Variants in FKBP9 observed in about 807,000 individuals in gnomAD.
FKBP9 encodes peptidyl-prolyl cis-trans isomerase FKBP9.
In FKBP9, 27 loss-of-function variants were observed where a neutral mutation model predicts 55.6. The ratio of observed to expected loss-of-function variants is 0.49; its 90% confidence interval spans 0.36 to 0.67. FKBP9 has a LOEUF of 0.67. Ranked by LOEUF, FKBP9 falls within the 30% of genes least tolerant of loss-of-function variation. The pLI is 0.00. For synonymous variants in FKBP9, 267 were observed against 296.5 expected, an observed-to-expected ratio of 0.90 and a Z score of 1.02; for missense variants, 539 against 742.8, an observed-to-expected ratio of 0.73 and a Z score of 3.19.
chr7:32,962,717 T>A (rs536207687), intron 1 of FKBP9, among the ~76,000 whole-genome samples: 23 of 152,224 alleles, frequency 1.5e-4, no homozygotes, highest in East Asian at 7.8e-4. Context: ...AACAGATATT[T>A]ACTGAGTACC....
intron 1 of FKBP9, among the ~76,000 whole-genome samples, chr7:32,973,696 T>G (rs1390405406): frequency 7.7e-6 from 1 of 129,262 alleles, no homozygotes; most frequent in African/African-American, 2.8e-5. Flanking sequence ...TTTTTTTTTT[T>G]TTTTTTTTTT....
At chr7:32,976,590 AC>A in intron 4 of FKBP9, 91 bp downstream of exon 4, 1 of 1,512,184 alleles carries the variant, frequency 6.6e-7, no homozygotes. Context: ...AACCCACTAG[AC>A]CTTTCGGTCT....
At position 32,993,051 on chromosome 7, in the gene FKBP9, G is replaced by T. The variant is rs1583865843; in HGVS notation, c.1040-3112G>T. 4 of 232,292 alleles carry T rather than the reference G, an allele frequency of 1.7e-5. No individual in the cohort carries two copies. In the East Asian group the frequency reaches 2.4e-4, roughly 14 times the overall value. The allele number at this position is 232,292 out of a possible 1,614,324, so 14.4% of individuals were successfully genotyped here. ...CCTGAGAGGCTGAGTTCATTTGACT[G>T]CTGACATCAGATCCCAGGGATGTGG... On this transcript the variant is annotated intron_variant, in intron 6 of 9. Coordinates refer to ENST00000242209, the MANE Select transcript of FKBP9 (RefSeq NM_007270.5).
At chr7:33,001,014 C>T (rs947181947) in intron 8 of FKBP9, among the ~76,000 whole-genome samples, 3 of 152,068 alleles carry the variant, frequency 2.0e-5, no homozygotes, top group East Asian at 1.9e-4. Flanking sequence ...TGGGCTCAAG[C>T]GATGCTCCTG....
intron 5 of FKBP9, among the ~76,000 whole-genome samples, chr7:32,981,557 G>A (rs1438420023): frequency 6.6e-6 from 1 of 152,012 alleles, no homozygotes; most frequent in East Asian, 1.9e-4. Context: ...TCTCTGAGGT[G>A]ATAGACTTCT....
intron 4 of FKBP9, chr7:32,979,440 G>T (rs560490511): frequency 1.5e-6 from 2 of 1,308,740 alleles, no homozygotes; most frequent in African/African-American, 2.9e-5. Context: ...CTCAGCAGCC[G>T]GCTTTCAGCA....
chr7:32,963,875 T>A (rs1784078701), intron 1 of FKBP9, among the ~76,000 whole-genome samples: 1 of 152,224 alleles, frequency 6.6e-6, no homozygotes, highest in Non-Finnish European at 1.5e-5. Context: ...ATCTGATGGG[T>A]CCTGCTTGGG....
chr7:32,996,565 T>C (rs543201889), intron 7 of FKBP9, among the ~76,000 whole-genome samples: 2 of 151,858 alleles, frequency 1.3e-5, no homozygotes, highest in East Asian at 1.9e-4. Context: ...CCCCATGAAA[T>C]TGTCTTTCTG....
At chr7:32,998,281 T>C (rs2392186) in intron 7 of FKBP9, among the ~76,000 whole-genome samples, 44,115 of 151,900 alleles carry the variant, frequency 0.29, 6,738 homozygotes, top group Admixed American at 0.41. Context: ...GTGGCTGCTG[T>C]CACTGCTCCT....
intron 5 of FKBP9, among the ~76,000 whole-genome samples, chr7:32,981,764 G>C (rs1335206083): frequency 2.0e-5 from 3 of 151,718 alleles, no homozygotes; most frequent in African/African-American, 7.3e-5. Context: ...GCGTGCACTG[G>C]CGGGTGCCTG....
chr7:32,968,657 C>T (rs372775596), intron 1 of FKBP9, among the ~76,000 whole-genome samples: 4 of 151,952 alleles, frequency 2.6e-5, no homozygotes. Context: ...ACTGCAACCT[C>T]TGCCTCCTAG....
rs760247071 is a variant in FKBP9, at chr7:32,965,797, C to CAA, written c.221+8018_221+8019dup. The stretch of plus-strand genomic sequence containing the variant: ...TGGGCAACAGAGCGAGACTCCATGT[C>CAA]AAAAAAAAAAAAAAAATATATATAT... On this transcript the variant is annotated intron_variant, in intron 1 of 9. Transcript: ENST00000242209. Among the ~76,000 whole-genome samples the CAA allele has an allele frequency of 6.4e-3, 247 of 38,550 alleles. 3 individuals carry two copies. Among genetic ancestry groups the CAA allele is most frequent in the South Asian group, 0.014 (14 of 976 alleles). 25.3% of individuals were successfully genotyped at this position (38,550 alleles called of 152,430 possible).
intron 1 of FKBP9, among the ~76,000 whole-genome samples, chr7:32,962,018 C>T (rs1330672540): frequency 6.6e-6 from 1 of 151,884 alleles, no homozygotes; most frequent in African/African-American, 2.4e-5. Context: ...AAAACCATCC[C>T]CCCACCCCGG....
rs1784326661 is a variant in FKBP9 at position 32,974,699 on chromosome 7, T to G, written c.304T>G (p.Cys102Gly). Residue 102 changes from cysteine (C) to glycine (G), a missense_variant, in exon 2 of 10, where the codon TGC (cysteine) becomes GGC (glycine). This residue lies in a region of FKBP9 where 236 missense variants were observed against 271.5 expected (regional missense o/e 0.87). Coordinates refer to ENST00000242209, the MANE Select transcript of FKBP9 (RefSeq NM_007270.5). ...GATGGACCAGGCTCTTGTTGGGATGTGCGTAAACGAGAGACGTTTCGTGAA... is the reference window on the plus strand; with the variant it reads ...GATGGACCAGGCTCTTGTTGGGATGGGCGTAAACGAGAGACGTTTCGTGAA... ...TGMDQALVGMCVNERRFVKIP... is the reference protein window; with the variant it reads ...TGMDQALVGMGVNERRFVKIP... 1 of 1,613,820 alleles carries G rather than the reference T, an allele frequency of 6.2e-7. No homozygotes were observed.
Position 32,994,123 on chromosome 7 carries a change from A to G in FKBP9, c.1040-2040A>G, listed in dbSNP as rs1784738794. On this transcript the variant is annotated intron_variant, in intron 6 of 9. Coordinates refer to ENST00000242209, the MANE Select transcript of FKBP9 (RefSeq NM_007270.5). ...AAAAATAATCATGTTAAAGTTTACA[A>G]TTTAGTTGTTTTTAGTATATTAACC... Among the ~76,000 whole-genome samples, 8 of 152,294 alleles carry G rather than the reference A, an allele frequency of 5.3e-5. 1 individual carries two copies. The South Asian group carries it at 1.7e-3, about 32-fold the overall frequency.
chr7:32,972,408 G>A (rs1471991979), intron 1 of FKBP9, among the ~76,000 whole-genome samples: 2 of 152,168 alleles, frequency 1.3e-5, no homozygotes, highest in Admixed American at 6.5e-5. Context: ...GAGGGGAGTG[G>A]TGAGGTGGAC....
At chr7:32,983,085 G>A (rs1234489968) in intron 5 of FKBP9, among the ~76,000 whole-genome samples, 1 of 151,778 alleles carries the variant, frequency 6.6e-6, no homozygotes, top group Non-Finnish European at 1.5e-5. Context: ...GTGCAATGGC[G>A]TGATCTCAGC....
chr7:32,967,555 A>G (rs966521112), intron 1 of FKBP9, among the ~76,000 whole-genome samples: 1 of 152,222 alleles, frequency 6.6e-6, no homozygotes, highest in Non-Finnish European at 1.5e-5. Context: ...AGCATGTGAT[A>G]GGATTTCCTT....
At chr7:32,998,980 GAA>G (rs1784871937) in intron 7 of FKBP9, among the ~76,000 whole-genome samples, 1 of 152,242 alleles carries the variant, frequency 6.6e-6, no homozygotes, top group Non-Finnish European at 1.5e-5. Flanking sequence ...CAAGGAGGAA[GAA>G]GAAACATGCG....
Sources: allele counts gnomAD v4.1 joint callset (sites outside exome capture counted in the v4.1 genomes callset), GRCh38; gene constraint gnomAD v4.1.1; regional missense constraint gnomAD v4.1.1; transcripts MANE v1.5; gene names NCBI Gene and HGNC (gene_info 2026-07-23, HGNC 2026-07-21).